PTCH1: variants seen among roughly 807,000 people sequenced by gnomAD.
PTCH1 encodes the protein patched 1, also known as protein patched homolog 1.
In PTCH1, 14 loss-of-function variants were observed where a neutral mutation model predicts 144.6. The observed-to-expected ratio is 0.10, with a 90% confidence interval of 0.06 to 0.15. The LOEUF is 0.15. PTCH1 is among the 10% of genes least tolerant of loss of function. The pLI, the probability that PTCH1 is intolerant of heterozygous loss-of-function variation, is 1.00. For missense variants in PTCH1, 1,623 were observed against 1,948.3 expected, an observed-to-expected ratio of 0.83 and a Z score of 3.14; for synonymous variants, 833 against 793.6, an observed-to-expected ratio of 1.05 and a Z score of -0.83.
chr9:95,476,455 A>G lies in PTCH1; in HGVS notation c.1603-296T>C, dbSNP rs570774011. ...TGGAGGGAGGTGATGGCTAAGTGAC[A>G]GACATCTCCAGAGAAGCAAATGCAG... On this transcript the variant is annotated intron_variant, in intron 11 of 23. Coordinates refer to ENST00000331920, the MANE Select transcript of PTCH1 (RefSeq NM_000264.5). This position sits in a 1 kb window ranked among gnomAD's most constrained non-coding sequence, Gnocchi z 4.6. 6.6e-6 allele frequency among the ~76,000 whole-genome samples: 1 copy of G among 152,300 alleles called. No homozygotes were observed. Among genetic ancestry groups the G allele is most frequent in the South Asian group, 2.1e-4 (1 of 4,822 alleles).
intron 5 of PTCH1, among the ~76,000 whole-genome samples, chr9:95,481,565 T>A (rs945396074): frequency 1.3e-5 from 2 of 152,212 alleles, no homozygotes; most frequent in Non-Finnish European, 2.9e-5. Context: ...ACTCAAAATA[T>A]TTCATTCTGA....
rs1554702079 is a variant in PTCH1, at chr9:95,485,744, G to A, written c.525C>T (p.Leu175=). Residue 175 remains leucine, a synonymous_variant, in exon 3 of 24, where the codon CTC becomes CTT. Transcript: ENST00000331920. ...EGANVLTTEA[L]LQHLDSALQA... ...GGAGTGCCGAGTCCAGGTGTTGTAG[G>A]AGCGCTTCTGTGGTCAGGACATTAG... The A allele has an allele frequency of 6.2e-7, 1 of 1,614,190 alleles. No individual in the cohort carries two copies. Among genetic ancestry groups the A allele is most frequent in the Non-Finnish European group, 8.5e-7 (1 of 1,180,034 alleles).
In PTCH1 at chr9:95,508,651, A is replaced by C. The variant is rs1843951459; in HGVS notation, c.-290T>G. ...GAGGTCTCTGCGGCCGCCGCTGCCCACATCCAGTTCGCGGAAGAGCGAGAG... is the reference window on the plus strand; with the variant it reads ...GAGGTCTCTGCGGCCGCCGCTGCCCCCATCCAGTTCGCGGAAGAGCGAGAG... On this transcript the variant is annotated 5_prime_UTR_variant, in exon 1 of 24. Transcript: ENST00000331920. The C allele has an allele frequency of 1.0e-6, 1 of 987,286 alleles. No individual in the cohort carries two copies. Among genetic ancestry groups the C allele is most frequent in the Non-Finnish European group, 1.2e-6 (1 of 831,974 alleles). The allele number at this position is 987,286 out of a possible 1,614,324, so 61.2% of individuals were successfully genotyped here. A position where few individuals can be genotyped will look rare whatever the true frequency, so the allele number is the denominator to read the frequency against.
intron 18 of PTCH1, 70 bp from the exon 19 acceptor site, chr9:95,456,483 C>T (rs2136651755): frequency 6.3e-7 from 1 of 1,580,296 alleles, no homozygotes; most frequent in Admixed American, 1.8e-5. Flanking sequence ...AGGGAGGTCG[C>T]CAGAGGGCTA....
intron 2 of PTCH1, among the ~76,000 whole-genome samples, chr9:95,500,172 C>T (rs1190181835): frequency 6.6e-6 from 1 of 152,164 alleles, no homozygotes; most frequent in Non-Finnish European, 1.5e-5. Context: ...CTGTCATCTT[C>T]TGGAACCTCT....
chr9:95,492,361 TG>T (rs2118669355), intron 2 of PTCH1, among the ~76,000 whole-genome samples: 1 of 152,254 alleles, frequency 6.6e-6, no homozygotes, highest in South Asian at 2.1e-4. Context: ...TTTAAGAAAA[TG>T]ATTGCTTATC....
At chr9:95,484,207 C>T (rs1156347429) in intron 3 of PTCH1, 3 of 152,246 alleles carry the variant, frequency 2.0e-5, no homozygotes, top group African/African-American at 7.2e-5. Flanking sequence ...TGGCTCCCCA[C>T]AGGGATGCCA....
At chr9:95,453,026 A>C (rs769385945) in intron 20 of PTCH1, 1 of 300,168 alleles carries the variant, frequency 3.3e-6, no homozygotes, top group Non-Finnish European at 6.5e-6. Flanking sequence ...TATACCTCCG[A>C]ATATCTCTAC....
Position 95,449,090 on chromosome 9 carries a change from G to C in PTCH1, c.3783C>G (p.Asn1261Lys). Reference sequence around the variant, plus strand: ...TTACAGTGGAGTGGGCGAAGACGGGGTTTTCTGTGGCTTCCACGATCACTT... The same window carrying C: ...TTACAGTGGAGTGGGCGAAGACGGGCTTTTCTGTGGCTTCCACGATCACTT... ...AHQVIVEATENPVFAHSTVVH... is the reference protein window; with the variant it reads ...AHQVIVEATEKPVFAHSTVVH... Residue 1261 changes from asparagine to lysine, a missense_variant, in exon 22 of 24, where the codon AAC becomes AAG. Transcript: ENST00000331920. This position sits in a 1 kb window ranked among gnomAD's most constrained non-coding sequence, Gnocchi z 5.3. The C allele has an allele frequency of 6.2e-7, 1 of 1,614,240 alleles. No individual in the cohort carries two copies. Among genetic ancestry groups the C allele is most frequent in the South Asian group, 1.1e-5 (1 of 91,086 alleles).
At chr9:95,459,406 A>G (rs189668937) in intron 17 of PTCH1, among the ~76,000 whole-genome samples, 194 bp downstream of exon 17, 1 of 152,310 alleles carries the variant, frequency 6.6e-6, no homozygotes, top group East Asian at 1.9e-4. Flanking sequence ...TGATTTCCCA[A>G]TGTGATAGAG....
At chr9:95,453,853 A>G (rs955513652) in intron 19 of PTCH1, among the ~76,000 whole-genome samples, 3 of 152,210 alleles carry the variant, frequency 2.0e-5, no homozygotes, top group African/African-American at 7.2e-5. Flanking sequence ...AGTAAAATCA[A>G]AACTATATAA....
chr9:95,506,328 G>A, intron 2 of PTCH1, 79 bp downstream of exon 2: 1 of 1,486,228 alleles, frequency 6.7e-7, no homozygotes, highest in Non-Finnish European at 9.2e-7. Flanking sequence ...CAGGCTCTAG[G>A]TGTGCGCTGG....
At chr9:95,450,263 T>C (rs1264492757) in intron 20 of PTCH1, 1 of 384,980 alleles carries the variant, frequency 2.6e-6, no homozygotes, top group Non-Finnish European at 4.9e-6. Context: ...CACAAAAATA[T>C]GGAATGCGAC....
Position 95,456,148 on chromosome 9 carries a change from C to G in PTCH1, c.3306+128G>C, listed in dbSNP as rs1838901840. 4 of 1,395,826 alleles carry G rather than the reference C, an allele frequency of 2.9e-6. No individual in the cohort carries two copies. In the Admixed American group the frequency reaches 7.8e-5, roughly 27 times the overall value. 86.5% of individuals were successfully genotyped at this position (1,395,826 alleles called of 1,614,324 possible). On this transcript the variant is annotated intron_variant, in intron 19 of 23. Transcript: ENST00000331920. ...AAATCTTGCAGGCTCTCCTAGGGGG[C>G]CCCTGTGCCCTGAGGCCTTTTCACT...
intron 2 of PTCH1, among the ~76,000 whole-genome samples, chr9:95,504,323 G>A (rs1169123870): frequency 6.6e-6 from 1 of 152,172 alleles, no homozygotes; most frequent in Non-Finnish European, 1.5e-5. Context: ...AAACTGCTAG[G>A]AAGCACACTG....
rs1841160996 is a variant in PTCH1 at position 95,477,641 on chromosome 9, C to A, written c.1409G>T (p.Gly470Val). 1 of 1,614,202 alleles carries A rather than the reference C, an allele frequency of 6.2e-7. No individual in the cohort carries two copies. The highest frequency in any genetic ancestry group is 1.3e-5 in the African/African-American group (1 of 75,046). The change falls in exon 10 of 24, where the codon GGG becomes GTG. Residue 470 changes from glycine to valine, a missense_variant. Gly to Val is a moderately radical substitution (Grantham distance 109). Around this residue, in one of 7 missense-constraint regions of PTCH1, gnomAD observed 135 missense variants for 228.7 expected, o/e 0.59. Coordinates refer to ENST00000331920, the MANE Select transcript of PTCH1 (RefSeq NM_000264.5). ...TGCAACCAGCAGGACGCCAGCCAGC[C>A]CCACGGCACCCTGGGACTTGGAGCA... Reference protein sequence around the residue: ...WDCSKSQGAVGLAGVLLVALS... With the variant: ...WDCSKSQGAVVLAGVLLVALS...
Position 95,479,126 on chromosome 9 carries a change from C to A in PTCH1, c.1089G>T (p.Met363Ile). The change falls in exon 8 of 24, where the codon ATG (methionine) becomes ATT (isoleucine). Residue 363 changes from methionine to isoleucine, a missense_variant. This residue lies in a region of PTCH1 where 230 missense variants were observed against 271.0 expected (regional missense o/e 0.85). Transcript: ENST00000331920. ...TTTGCTTGGGAGTCATTAACTGGAACATGGTCTGCAGGGCATGGGCGCTGC... is the reference window on the plus strand; with the variant it reads ...TTTGCTTGGGAGTCATTAACTGGAAAATGGTCTGCAGGGCATGGGCGCTGC... The part of the protein sequence containing the change: ...KLVSAHALQT[M>I]FQLMTPKQMY... The A allele has an allele frequency of 6.2e-7, 1 of 1,614,124 alleles. No homozygotes were observed. The highest frequency in any genetic ancestry group is 1.7e-5 in the Admixed American group (1 of 60,024).
rs1839542784 is a variant in PTCH1, at chr9:95,462,138, C to T, written c.2561-140G>A. ...AAACACACCCTCTGTGTCCCACATCCACTTTGACTGAAAGCACTGGATCTT... is the reference window on the plus strand; with the variant it reads ...AAACACACCCTCTGTGTCCCACATCTACTTTGACTGAAAGCACTGGATCTT... On this transcript the variant is annotated intron_variant, in intron 15 of 23. Coordinates refer to ENST00000331920, the MANE Select transcript of PTCH1 (RefSeq NM_000264.5). The T allele has an allele frequency of 2.4e-5, 24 of 981,816 alleles. No individual in the cohort carries two copies. The South Asian group carries it at 3.2e-4, about 13-fold the overall frequency. 60.8% of individuals were successfully genotyped at this position (981,816 alleles called of 1,614,324 possible). A position where few individuals can be genotyped will look rare whatever the true frequency, so the allele number is the denominator to read the frequency against.
chr9:95,485,735 G>A lies in PTCH1; in HGVS notation c.534C>T (p.His178=), dbSNP rs749224677. The stretch of plus-strand genomic sequence containing the variant: ...GGCTGGCCTGGAGTGCCGAGTCCAG[G>A]TGTTGTAGGAGCGCTTCTGTGGTCA... ...NVLTTEALLQ[H]LDSALQASRV... Residue 178 remains histidine, a synonymous_variant, in exon 3 of 24, where the codon CAC becomes CAT. Coordinates refer to ENST00000331920, the MANE Select transcript of PTCH1 (RefSeq NM_000264.5). 2 of 1,614,028 alleles carry A rather than the reference G, an allele frequency of 1.2e-6. No individual in the cohort carries two copies. The highest frequency in any genetic ancestry group is 2.2e-5 in the South Asian group (2 of 91,078).
Sources: gnomAD v4.1 joint callset for allele counts (sites outside exome capture counted in the v4.1 genomes callset) on GRCh38, gnomAD v4.1.1 for gene constraint, gnomAD v4.1.1 regional missense constraint, Gnocchi (gnomAD v3.1) non-coding constraint, MANE v1.5 for transcripts, NCBI Gene and HGNC (gene_info 2026-07-23, HGNC 2026-07-21) for gene names.